Variants in NEDD9 observed in about 807,000 individuals in gnomAD.
NEDD9 encodes the protein neural precursor cell expressed, developmentally down-regulated 9.
A neutral mutation model predicts 76.6 loss-of-function variants in NEDD9; 26 were observed. The ratio of observed to expected loss-of-function variants is 0.34; its 90% CI spans 0.25 to 0.47. The LOEUF (loss-of-function observed/expected upper bound fraction) is 0.47. Ranked by LOEUF, NEDD9 falls within the 20% of genes least tolerant of loss-of-function variation. NEDD9 has a pLI of 1.00. For synonymous variants in NEDD9, 392 were observed against 414.2 expected (o/e 0.95, Z 0.65); for missense variants, 937 against 1,058.5 (o/e 0.89, Z 1.59).
intron 3 of NEDD9, among the ~76,000 whole-genome samples, chr6:11,244,087 G>A (rs184780772): frequency 1.3e-5 from 2 of 152,226 alleles, no homozygotes; most frequent in Non-Finnish European, 2.9e-5. Flanking sequence ...AAGGCCTTCA[G>A]GGAAAAGAGA....
chr6:11,277,400 G>A (rs1561814156), intron 3 of NEDD9, among the ~76,000 whole-genome samples: 1 of 152,164 alleles, frequency 6.6e-6, no homozygotes, highest in Non-Finnish European at 1.5e-5. Context: ...GAGAGGTGGC[G>A]TTTGGGGGTG....
At position 11,190,836 on chromosome 6, in the gene NEDD9, A is replaced by C. The variant is rs761508713; in HGVS notation, c.1033T>G (p.Tyr345Asp). 9.9e-6 allele frequency: 16 copies of C among 1,614,020 alleles called. No homozygotes were observed. The highest frequency in any genetic ancestry group is 1.7e-5 in the Admixed American group (1 of 60,002). ...GGCGGGTTATGCAGAGGGACATCAT[A>C]AACACCATCCCTTTCCTGGGGGTTT... ...KANPQERDGV[Y>D]DVPLHNPPDA... Residue 345 changes from tyrosine to aspartate, a missense_variant, in exon 5 of 7, where the codon TAT becomes GAT. Coordinates refer to ENST00000379446, the MANE Select transcript of NEDD9 (RefSeq NM_006403.4). The surrounding 1 kb of genome is among the most constrained non-coding windows in gnomAD (Gnocchi z 5.8).
Position 11,190,468 on chromosome 6 carries a change from C to G in NEDD9, c.1401G>C (p.Lys467Asn). 1 of 1,614,162 alleles carries G rather than the reference C, an allele frequency of 6.2e-7. No individual in the cohort carries two copies. Among genetic ancestry groups the G allele is most frequent in the Non-Finnish European group, 8.5e-7 (1 of 1,180,026 alleles). Residue 467 changes from lysine to asparagine, a missense_variant, in exon 5 of 7, where the codon AAG (lysine) becomes AAC (asparagine). Coordinates refer to ENST00000379446, the MANE Select transcript of NEDD9 (RefSeq NM_006403.4). This position sits in a 1 kb window ranked among gnomAD's most constrained non-coding sequence, Gnocchi z 5.8. ...LFLKEYLHFV[K>N]GAVANAACLP... Reference sequence around the variant, plus strand: ...GGCAGGCAGCATTTGCAACAGCTCCCTTGACAAAGTGGAGGTACTCCTTCA... The same window carrying G: ...GGCAGGCAGCATTTGCAACAGCTCCGTTGACAAAGTGGAGGTACTCCTTCA...
intron 3 of NEDD9, among the ~76,000 whole-genome samples, chr6:11,257,745 C>A (rs1027635323): frequency 6.7e-6 from 1 of 148,974 alleles, no homozygotes; most frequent in Non-Finnish European, 1.5e-5. Context: ...CTTCCAGCAG[C>A]CCCGCAGAGT....
chr6:11,296,845 C>T (rs1210298619), intron 3 of NEDD9, among the ~76,000 whole-genome samples: 1 of 152,166 alleles, frequency 6.6e-6, no homozygotes, highest in African/African-American at 2.4e-5. Flanking sequence ...TCTCCTGCCT[C>T]AGCCTCCGGA....
chr6:11,354,280 G>A (rs1176095291), intron 1 of NEDD9, among the ~76,000 whole-genome samples: 2 of 152,146 alleles, frequency 1.3e-5, no homozygotes, highest in East Asian at 1.9e-4. Context: ...TGGAAAACGT[G>A]GGGGCAACCA....
At chr6:11,322,584 G>A (rs1346511763) in intron 2 of NEDD9, among the ~76,000 whole-genome samples, 1 of 152,176 alleles carries the variant, frequency 6.6e-6, no homozygotes, top group Non-Finnish European at 1.5e-5. Flanking sequence ...ATCAGCCTGA[G>A]TGCTTTCAAT....
intron 3 of NEDD9, among the ~76,000 whole-genome samples, chr6:11,270,209 G>A (rs975801914): frequency 2.6e-5 from 4 of 152,210 alleles, no homozygotes; most frequent in East Asian, 3.8e-4. Context: ...GCCATAGGGC[G>A]CTTTCTCGCA....
chr6:11,242,017 C>T (rs1300723588), intron 3 of NEDD9, among the ~76,000 whole-genome samples: 3 of 152,224 alleles, frequency 2.0e-5, no homozygotes, highest in African/African-American at 7.2e-5. Context: ...AGAAAGCAAA[C>T]AAAGTGCTCC....
intron 2 of NEDD9, among the ~76,000 whole-genome samples, chr6:11,196,195 T>G (rs1490464386): frequency 6.6e-6 from 1 of 151,728 alleles, no homozygotes; most frequent in Non-Finnish European, 1.5e-5. Context: ...TCCCAGCTAC[T>G]TGGGAGGCTG....
intron 3 of NEDD9, among the ~76,000 whole-genome samples, chr6:11,245,420 T>A (rs1759788937): frequency 6.6e-6 from 1 of 152,250 alleles, no homozygotes; most frequent in Admixed American, 6.5e-5. Flanking sequence ...TAGATCTGTA[T>A]AAATATTTAT....
chr6:11,200,702 A>G (rs760322935), intron 2 of NEDD9: 14 of 1,302,478 alleles, frequency 1.1e-5, no homozygotes, highest in African/African-American at 1.5e-5. Context: ...CGAGGCAGTG[A>G]GAATTTCAAA....
Position 11,185,528 on chromosome 6 carries a change from G to A in NEDD9, c.2139C>T (p.Asp713=). The A allele has an allele frequency of 6.2e-7, 1 of 1,614,212 alleles. No individual in the cohort carries two copies. Among genetic ancestry groups the A allele is most frequent in the Non-Finnish European group, 8.5e-7 (1 of 1,180,032 alleles). Residue 713 remains aspartate (D), a synonymous_variant, in exon 7 of 7, where the codon GAC becomes GAT. Transcript: ENST00000379446. ...GGGAAATGAAATGGGTCTCACATTG[G>A]TCATAGTAGAAGCACAGCAACTGCC... ...QDRQLLCFYY[D]QCETHFISLL... is the part of the protein sequence containing the mutation.
At chr6:11,188,858 G>T (rs1262679009) in intron 5 of NEDD9, among the ~76,000 whole-genome samples, 1 of 152,058 alleles carries the variant, frequency 6.6e-6, no homozygotes, top group Admixed American at 6.5e-5. Flanking sequence ...TAGTTACGTA[G>T]TTCTCAGTAT....
intron 2 of NEDD9, chr6:11,328,709 G>A (rs1183227240): frequency 6.6e-6 from 1 of 152,212 alleles, no homozygotes; most frequent in Admixed American, 6.5e-5. Flanking sequence ...TTTGCCTTCC[G>A]TGCTAAGTGT....
chr6:11,353,632 T>C (rs1314572820), intron 1 of NEDD9, among the ~76,000 whole-genome samples: 1 of 152,240 alleles, frequency 6.6e-6, no homozygotes. Flanking sequence ...ACAGCAGCTC[T>C]GGGAAGCTGA....
At chr6:11,211,427 C>T (rs1170072559) in intron 2 of NEDD9, among the ~76,000 whole-genome samples, 3 of 152,218 alleles carry the variant, frequency 2.0e-5, no homozygotes. Context: ...GTTTAGAGCC[C>T]ACCACCTCCC....
intron 3 of NEDD9, among the ~76,000 whole-genome samples, chr6:11,268,746 GACAC>G (rs200336412): frequency 2.9e-4 from 40 of 136,590 alleles, no homozygotes; most frequent in Middle Eastern, 3.8e-3. Context: ...CACACACACA[GACAC>G]ACACACACAC....
intron 1 of NEDD9, among the ~76,000 whole-genome samples, chr6:11,375,196 C>T (rs1647730716): frequency 6.6e-6 from 1 of 152,204 alleles, no homozygotes; most frequent in South Asian, 2.1e-4. Context: ...GGATACTATA[C>T]AGCTGTGAAA....
Sources: allele counts gnomAD v4.1 joint callset (sites outside exome capture counted in the v4.1 genomes callset), GRCh38; gene constraint gnomAD v4.1.1; non-coding constraint Gnocchi (gnomAD v3.1); transcripts MANE v1.5; gene names NCBI Gene and HGNC (gene_info 2026-07-23, HGNC 2026-07-21).